SLC35D4: variants seen among roughly 807,000 people sequenced by gnomAD.
SLC35D4 encodes solute carrier family 35 member D4.
At chr18:23,307,536 AG>A in the SLC35D4 span, among the ~76,000 whole-genome samples, 6 of 152,378 alleles carry the variant, frequency 3.9e-5, no homozygotes, top group Admixed American at 3.9e-4. Flanking sequence ...ATGTGGTCAT[AG>A]CCAACTGGCC....
At chr18:23,386,481 G>A in the SLC35D4 span, among the ~76,000 whole-genome samples, 2 of 152,082 alleles carry the variant, frequency 1.3e-5, no homozygotes, top group African/African-American at 2.4e-5. Flanking sequence ...GCCCAGCCCT[G>A]CCCACACCTT....
At chr18:23,246,399 G>T in the SLC35D4 span, among the ~76,000 whole-genome samples, 2 of 148,980 alleles carry the variant, frequency 1.3e-5, no homozygotes, top group Admixed American at 6.7e-5. Flanking sequence ...TTGTTTTTTG[G>T]TTTTTTTTTT....
the SLC35D4 span, among the ~76,000 whole-genome samples, chr18:23,277,331 C>T: frequency 3.3e-5 from 5 of 152,220 alleles, no homozygotes; most frequent in Non-Finnish European, 2.9e-5. Flanking sequence ...ACATCTTCCT[C>T]ATTCTGTCTT....
the SLC35D4 span, among the ~76,000 whole-genome samples, chr18:23,266,011 T>A: frequency 6.6e-6 from 1 of 152,186 alleles, no homozygotes. Context: ...AAATGAGAAT[T>A]GCTTACTTTC....
chr18:23,288,450 C>T, the SLC35D4 span, among the ~76,000 whole-genome samples: 1 of 152,190 alleles, frequency 6.6e-6, no homozygotes, highest in Non-Finnish European at 1.5e-5. Flanking sequence ...ACATCAAGCC[C>T]AGGGATTTGC....
chr18:23,335,077 G>C, the SLC35D4 span, among the ~76,000 whole-genome samples: 6 of 151,948 alleles, frequency 3.9e-5, no homozygotes, highest in Non-Finnish European at 8.8e-5. Context: ...AGAGAGGAGA[G>C]CAATTTTAAG....
chr18:23,283,915 C>G, the SLC35D4 span, among the ~76,000 whole-genome samples: 2 of 152,036 alleles, frequency 1.3e-5, no homozygotes, highest in African/African-American at 2.4e-5. Context: ...TGATTATATG[C>G]TAAACAAAAG....
chr18:23,421,294 C>T, the SLC35D4 span: 1 of 1,245,344 alleles, frequency 8.0e-7, no homozygotes, highest in Non-Finnish European at 1.2e-6. Context: ...AGTGTAACAC[C>T]ATATGAAATT....
At chr18:23,385,491 G>A in the SLC35D4 span, among the ~76,000 whole-genome samples, 2 of 152,228 alleles carry the variant, frequency 1.3e-5, no homozygotes, top group African/African-American at 4.8e-5. Context: ...AGAACTGAAC[G>A]ATGAACTGGC....
chr18:23,270,347 T>C, the SLC35D4 span, among the ~76,000 whole-genome samples: 9 of 152,334 alleles, frequency 5.9e-5, no homozygotes, highest in African/African-American at 1.9e-4. Context: ...TCAGAGGATA[T>C]GTAGGAATGC....
At chr18:23,272,914 A>G in the SLC35D4 span, among the ~76,000 whole-genome samples, 11,929 of 152,210 alleles carry the variant, frequency 0.078, 645 homozygotes, top group African/African-American at 0.16. Flanking sequence ...CCAGTCCTAC[A>G]TCCCCACATG....
At chr18:23,370,366 C>T in the SLC35D4 span, 2 of 1,104,050 alleles carry the variant, frequency 1.8e-6, no homozygotes, top group Non-Finnish European at 1.3e-6. Flanking sequence ...CTCCCAAAAG[C>T]ACGACTGCTG....
At chr18:23,367,197 A>C in the SLC35D4 span, among the ~76,000 whole-genome samples, 4 of 152,208 alleles carry the variant, frequency 2.6e-5, no homozygotes, top group African/African-American at 9.7e-5. Context: ...GGGGATGAAT[A>C]TAAGAAATAA....
chr18:23,371,279 G>T, the SLC35D4 span: 1 of 599,024 alleles, frequency 1.7e-6, no homozygotes, highest in East Asian at 3.3e-5. Context: ...ATTTTTTGTA[G>T]AGATGGGGTT....
chr18:23,425,977 T>A, the SLC35D4 span, among the ~76,000 whole-genome samples: 1 of 152,088 alleles, frequency 6.6e-6, no homozygotes, highest in Admixed American at 6.6e-5. Context: ...TAAATGATGA[T>A]TATGCCTTTG....
At chr18:23,278,949 G>T in the SLC35D4 span, among the ~76,000 whole-genome samples, 3 of 151,262 alleles carry the variant, frequency 2.0e-5, no homozygotes, top group Non-Finnish European at 4.4e-5. Context: ...GGAGTTTGAG[G>T]CTGCCGTGAG....
chr18:23,349,589 C>A, the SLC35D4 span, among the ~76,000 whole-genome samples: 1 of 152,252 alleles, frequency 6.6e-6, no homozygotes, highest in Non-Finnish European at 1.5e-5. Context: ...TGAGATGACA[C>A]CACTGCACTC....
chr18:23,286,552 G>T, the SLC35D4 span, among the ~76,000 whole-genome samples: 1 of 152,006 alleles, frequency 6.6e-6, no homozygotes, highest in East Asian at 1.9e-4. Context: ...CGCCTCGGAA[G>T]CCCCGTAGAC....
chr18:23,319,394 C>A, the SLC35D4 span, among the ~76,000 whole-genome samples: 1 of 151,738 alleles, frequency 6.6e-6, no homozygotes, highest in Non-Finnish European at 1.5e-5. Flanking sequence ...CCTCAGCCTC[C>A]CGAGTAGCTG....
Sources: gnomAD v4.1 joint callset for allele counts (sites outside exome capture counted in the v4.1 genomes callset) on GRCh38, gnomAD v4.1.1 for gene constraint, MANE v1.5 for transcripts, NCBI Gene and HGNC (gene_info 2026-07-23, HGNC 2026-07-21) for gene names.